TSPAN18: variants seen among roughly 807,000 people sequenced by gnomAD.
TSPAN18 encodes the protein tetraspanin 18, also known as tetraspanin-18.
TSPAN18 carries 14 observed loss-of-function variants against 27.3 expected under a neutral mutation model. The observed-to-expected ratio is 0.51, with a 90% CI of 0.34 to 0.80. TSPAN18 has a LOEUF of 0.80. Ranked by LOEUF, TSPAN18 falls within the 30% of genes least tolerant of loss-of-function variation. The pLI, the probability that TSPAN18 is intolerant of heterozygous loss-of-function variation, is 0.01. For synonymous variants in TSPAN18, 143 were observed against 136.5 expected (o/e 1.05, Z -0.33); for missense variants, 268 against 323.9 (o/e 0.83, Z 1.32).
intron 3 of TSPAN18, among the ~76,000 whole-genome samples, chr11:44,904,614 A>AAAAC (rs566942983): frequency 9.1e-4 from 139 of 152,336 alleles, no homozygotes; most frequent in Non-Finnish European, 4.1e-4. Flanking sequence ...AATGCACTTA[A>AAAAC]AAACAAACAA....
At chr11:44,769,350 A>G (rs1194636908) in intron 2 of TSPAN18, among the ~76,000 whole-genome samples, 1 of 152,116 alleles carries the variant, frequency 6.6e-6, no homozygotes, top group Non-Finnish European at 1.5e-5. Context: ...ATTGGTCTGT[A>G]GTTTTCTTTT....
chr11:44,853,902 CAGGGGAGGG>C (rs1317910338), intron 2 of TSPAN18, among the ~76,000 whole-genome samples: 1 of 151,900 alleles, frequency 6.6e-6, no homozygotes, highest in Admixed American at 6.6e-5. Context: ...AATGAGAGGG[CAGGGGAGGG>C]AGGAAAGGAA....
intron 1 of TSPAN18, among the ~76,000 whole-genome samples, chr11:44,759,782 C>G (rs796534575): frequency 3.3e-5 from 5 of 152,328 alleles, no homozygotes; most frequent in African/African-American, 1.2e-4. Context: ...TAAGATACCA[C>G]CCATATCTTT....
At chr11:44,895,225 C>T (rs1275826709) in intron 3 of TSPAN18, among the ~76,000 whole-genome samples, 1 of 152,178 alleles carries the variant, frequency 6.6e-6, no homozygotes, top group Non-Finnish European at 1.5e-5. Context: ...GCCATGTGTC[C>T]ATGGTTCTCC....
intron 2 of TSPAN18, among the ~76,000 whole-genome samples, chr11:44,850,876 C>T (rs1420484513): frequency 6.6e-6 from 1 of 152,134 alleles, no homozygotes; most frequent in African/African-American, 2.4e-5. Flanking sequence ...CTTCTCACCT[C>T]ACCTTTACCC....
chr11:44,726,558 G>C (rs1455672327), upstream of TSPAN18: 1 of 152,092 alleles, frequency 6.6e-6, no homozygotes, highest in African/African-American at 2.4e-5. Flanking sequence ...GATCAGGACC[G>C]AGGATCTCAC....
chr11:44,796,138 G>A (rs994016747), intron 2 of TSPAN18, among the ~76,000 whole-genome samples: 4 of 152,144 alleles, frequency 2.6e-5, no homozygotes, highest in African/African-American at 9.7e-5. Context: ...ACAACAAGCT[G>A]AGATGTCACA....
At chr11:44,803,221 C>T (rs758322215) in intron 2 of TSPAN18, among the ~76,000 whole-genome samples, 4 of 152,036 alleles carry the variant, frequency 2.6e-5, no homozygotes, top group Non-Finnish European at 4.4e-5. Flanking sequence ...GAAGACAAGT[C>T]GACAGAGAAG....
At chr11:44,788,542 C>T (rs1215609721) in intron 2 of TSPAN18, among the ~76,000 whole-genome samples, 1 of 149,190 alleles carries the variant, frequency 6.7e-6, no homozygotes, top group Non-Finnish European at 1.5e-5. Flanking sequence ...ACTGCAACCT[C>T]TGACTCCCTG....
intron 2 of TSPAN18, among the ~76,000 whole-genome samples, chr11:44,835,938 T>C (rs985147026): frequency 6.6e-6 from 1 of 152,178 alleles, no homozygotes; most frequent in Non-Finnish European, 1.5e-5. Context: ...TGATGGTGGA[T>C]TTAATTAATA....
Position 44,822,665 on chromosome 11 carries a change from G to A in TSPAN18, c.-152-37663G>A, listed in dbSNP as rs569172198. ...ACAGCCCTAAAGGGAGCATCCCAGT[G>A]TTTGGAGGACAGCCACCCTTCTGGA... On this transcript the variant is annotated intron_variant, in intron 2 of 9. Transcript: ENST00000520358. Among the ~76,000 whole-genome samples the A allele has an allele frequency of 3.9e-5, 6 of 152,180 alleles. 1 individual carries two copies. The highest frequency in any genetic ancestry group is 1.4e-4 in the African/African-American group (6 of 41,528).
At chr11:44,781,208 A>G (rs749441135) in intron 2 of TSPAN18, among the ~76,000 whole-genome samples, 1 of 152,160 alleles carries the variant, frequency 6.6e-6, no homozygotes, top group Non-Finnish European at 1.5e-5. Flanking sequence ...GGCTGGGAAA[A>G]TCTTGCTGAT....
At position 44,919,674 on chromosome 11, in the gene TSPAN18, T is replaced by C. The variant is rs190668047; in HGVS notation, c.433-143T>C. The C allele has an allele frequency of 2.7e-4, 215 of 811,180 alleles. No individual in the cohort carries two copies. In the East Asian group the frequency reaches 4.6e-3, roughly 18 times the overall value. The allele number at this position is 811,180 out of a possible 1,614,324, so 50.2% of individuals were successfully genotyped here. A position where few individuals can be genotyped will look rare whatever the true frequency, so the allele number is the denominator to read the frequency against. On this transcript the variant is annotated intron_variant, in intron 7 of 9. Coordinates refer to ENST00000520358, the MANE Select transcript of TSPAN18 (RefSeq NM_130783.5). ...CCAGAGAAGCTGAGTGGCTTTCCCA[T>C]GGTCACACAGTGGTGACAGGTGGAG...
intron 2 of TSPAN18, among the ~76,000 whole-genome samples, chr11:44,772,388 G>A (rs1032777766): frequency 1.3e-5 from 2 of 151,524 alleles, no homozygotes; most frequent in African/African-American, 4.9e-5. Flanking sequence ...TGTGAACTTT[G>A]TATGTATAAC....
intron 3 of TSPAN18, 126 bp from the exon 4 acceptor site, chr11:44,906,281 C>T (rs1476273077): frequency 4.8e-6 from 4 of 835,184 alleles, no homozygotes; most frequent in East Asian, 4.8e-5. Context: ...TCTCTATCAT[C>T]GGCCTCCATC....
At chr11:44,739,378 T>C (rs1259509555) in intron 1 of TSPAN18, among the ~76,000 whole-genome samples, 1 of 152,174 alleles carries the variant, frequency 6.6e-6, no homozygotes, top group East Asian at 1.9e-4. Flanking sequence ...ATCCCAGCAC[T>C]TTGGGAGGCT....
chr11:44,881,042 G>C (rs1388899854), intron 3 of TSPAN18, among the ~76,000 whole-genome samples: 1 of 152,244 alleles, frequency 6.6e-6, no homozygotes, highest in Non-Finnish European at 1.5e-5. Flanking sequence ...TATAAGCCCA[G>C]ACTCTGCAGC....
chr11:44,832,526 G>A (rs1413523553), intron 2 of TSPAN18, among the ~76,000 whole-genome samples: 5 of 152,110 alleles, frequency 3.3e-5, no homozygotes, highest in Non-Finnish European at 7.3e-5. Flanking sequence ...AGCTTTTCCA[G>A]CTCTGGGCTG....
chr11:44,892,865 G>A (rs114201681), intron 3 of TSPAN18, among the ~76,000 whole-genome samples: 1 of 152,206 alleles, frequency 6.6e-6, no homozygotes, highest in Non-Finnish European at 1.5e-5. Flanking sequence ...TGCTCACCTC[G>A]CAGGGTAGTT....
Sources: gnomAD v4.1 joint callset for allele counts (sites outside exome capture counted in the v4.1 genomes callset) on GRCh38, gnomAD v4.1.1 for gene constraint, MANE v1.5 for transcripts, NCBI Gene and HGNC (gene_info 2026-07-23, HGNC 2026-07-21) for gene names.